SLC37A2: variants seen among roughly 807,000 people sequenced by gnomAD.
SLC37A2 encodes solute carrier family 37 member 2.
SLC37A2 carries 59 observed loss-of-function variants against 70.7 expected under a neutral mutation model. The observed-to-expected ratio is 0.83, with a 90% confidence interval of 0.68 to 1.04. The LOEUF (loss-of-function observed/expected upper bound fraction) is 1.04. Among genes scored for constraint, SLC37A2 ranks in the 50% least tolerant of loss-of-function variants. The pLI, the probability that SLC37A2 is intolerant of heterozygous loss-of-function variation, is 0.00. For missense variants in SLC37A2, 580 were observed against 658.1 expected, an observed-to-expected ratio of 0.88 and a Z score of 1.30; for synonymous variants, 257 against 262.1, an observed-to-expected ratio of 0.98 and a Z score of 0.19.
Position 125,088,185 on chromosome 11 carries a change from G to T in SLC37A2, c.*51G>T. ...AGGGTCCCAGTTGGGTCCCCAACGT[G>T]CTCCCCATGGGCAAGACAATGGAAA... On this transcript the variant is annotated 3_prime_UTR_variant, in exon 18 of 18. Coordinates refer to ENST00000403796, the MANE Select transcript of SLC37A2 (RefSeq NM_001145290.2). 1 of 1,546,076 alleles carries T rather than the reference G, an allele frequency of 6.5e-7. No homozygotes were observed.
intron 1 of SLC37A2, among the ~76,000 whole-genome samples, chr11:125,066,037 G>A (rs1260483295): frequency 1.3e-5 from 2 of 152,106 alleles, no homozygotes; most frequent in Non-Finnish European, 2.9e-5. Context: ...CAGTTCATGC[G>A]GTCCTGTGTG....
At chr11:125,067,437 G>A (rs1750939880) in intron 1 of SLC37A2, among the ~76,000 whole-genome samples, 2 of 152,128 alleles carry the variant, frequency 1.3e-5, no homozygotes, top group Admixed American at 6.5e-5. Context: ...CTCTTTTATA[G>A]CATATAATTT....
chr11:125,065,496 G>T (rs1186552626), intron 1 of SLC37A2, among the ~76,000 whole-genome samples: 1 of 152,128 alleles, frequency 6.6e-6, no homozygotes, highest in East Asian at 1.9e-4. Context: ...ATGTATTTGG[G>T]CAAATTCCTC....
chr11:125,088,116 C>A lies in SLC37A2; in HGVS notation c.1491-3C>A, dbSNP rs2135579985. The A allele has an allele frequency of 6.4e-7, 1 of 1,551,808 alleles. No homozygotes were observed. Among genetic ancestry groups the A allele is most frequent in the East Asian group, 2.4e-5 (1 of 40,872 alleles). On this transcript the variant is annotated splice_polypyrimidine_tract_variant and splice_region_variant and intron_variant, in intron 17 of 17. Coordinates refer to ENST00000403796, the MANE Select transcript of SLC37A2 (RefSeq NM_001145290.2). ...TTCTGTCCCCCCTCTCCTCTTCATG[C>A]AGGTATAAAGAAATATGAGGCCCCA...
rs1454391196 is a variant in SLC37A2 at position 125,080,616 on chromosome 11, G to A, written c.530G>A (p.Arg177Gln). 4.0e-6 allele frequency: 6 copies of A among 1,493,552 alleles called. No homozygotes were observed. The highest frequency in any genetic ancestry group is 1.4e-5 in the African/African-American group (1 of 69,694). The allele number at this position is 1,493,552 out of a possible 1,614,324, so 92.5% of individuals were successfully genotyped here. The change falls in exon 7 of 18, where the codon CGG becomes CAG. Residue 177 changes from arginine (R) to glutamine (Q), a missense_variant and splice_region_variant. Physicochemically the swap from Arg to Gln is conservative, Grantham distance 43 (BLOSUM62 1). Transcript: ENST00000403796. The surrounding 1 kb of genome is among the most constrained non-coding windows in gnomAD (Gnocchi z 4.3). The stretch of plus-strand genomic sequence containing the variant: ...TCCCTTCTCTCCCTCCCTTCCAGGC[G>A]GGGGTTCATCATGGGCATCTGGAAT... Reference protein sequence around the residue: ...CVGNWFGKGKRGFIMGIWNSH... With the variant: ...CVGNWFGKGKQGFIMGIWNSH...
At chr11:125,078,891 C>T (rs781046860) in intron 4 of SLC37A2, among the ~76,000 whole-genome samples, 1 of 151,730 alleles carries the variant, frequency 6.6e-6, no homozygotes, top group Non-Finnish European at 1.5e-5. Context: ...CACGAGGGGC[C>T]GGCCAAGCGG....
chr11:125,086,400 A>C, intron 17 of SLC37A2: 1 of 753,456 alleles, frequency 1.3e-6, no homozygotes, highest in Non-Finnish European at 2.4e-6. Context: ...ACCTCAGCAG[A>C]GCATGGTGCT....
At chr11:125,077,424 T>A in intron 3 of SLC37A2, 26 bp from the exon 4 acceptor site, 1 of 1,609,650 alleles carries the variant, frequency 6.2e-7, no homozygotes, top group Non-Finnish European at 8.5e-7. Context: ...CGCAGTCAGC[T>A]TTCTGTTTCT....
chr11:125,087,737 A>G (rs1949236109), intron 17 of SLC37A2: 1 of 173,290 alleles, frequency 5.8e-6, no homozygotes, highest in African/African-American at 2.5e-5. Context: ...GGTTCAAGTG[A>G]TTCTCCTGCC....
In SLC37A2 at chr11:125,086,054, C is replaced by A. The variant is rs751191057; in HGVS notation, c.1490+36C>A. The A allele has an allele frequency of 3.1e-6, 5 of 1,600,870 alleles. No homozygotes were observed. In the East Asian group the frequency reaches 1.1e-4, roughly 36 times the overall value. On this transcript the variant is annotated intron_variant, in intron 17 of 17. Transcript: ENST00000403796. ...GGAGCTGAAGCTGCCCCTCTACCAA[C>A]CTCATTTCTCGTGGGAATCAGCCCA...
In SLC37A2 at chr11:125,083,332, C is replaced by G. The variant is rs994617679; in HGVS notation, c.977-483C>G. On this transcript the variant is annotated intron_variant, in intron 10 of 17. Coordinates refer to ENST00000403796, the MANE Select transcript of SLC37A2 (RefSeq NM_001145290.2). The surrounding 1 kb of genome is among the most constrained non-coding windows in gnomAD (Gnocchi z 4.6). ...GCTACAATCTCAGCTTCTGGACATTCCTTTTTTAAAACATGGAGCCAAGGC... is the reference window on the plus strand; with the variant it reads ...GCTACAATCTCAGCTTCTGGACATTGCTTTTTTAAAACATGGAGCCAAGGC... 6.5e-6 allele frequency: 1 copy of G among 153,510 alleles called. No individual in the cohort carries two copies. The highest frequency in any genetic ancestry group is 1.4e-5 in the Non-Finnish European group (1 of 68,982). The allele number at this position is 153,510 out of a possible 1,614,324, so 9.5% of individuals were successfully genotyped here.
chr11:125,068,068 C>T (rs933283060), intron 1 of SLC37A2, among the ~76,000 whole-genome samples: 4 of 152,104 alleles, frequency 2.6e-5, no homozygotes, highest in East Asian at 1.9e-4. Flanking sequence ...TCTAGAAGGG[C>T]TCAGTAATAC....
Position 125,080,136 on chromosome 11 carries a change from AC to A in SLC37A2, c.527+379del, listed in dbSNP as rs11310178. ...CACTACTGACTTTCTGGGCTATTGG[AC>A]CCTTGTTTGGGGACTGTCCTACCAC... On this transcript the variant is annotated intron_variant, in intron 6 of 17. Coordinates refer to ENST00000403796, the MANE Select transcript of SLC37A2 (RefSeq NM_001145290.2). The surrounding 1 kb of genome is among the most constrained non-coding windows in gnomAD (Gnocchi z 4.3). Among the ~76,000 whole-genome samples, 1,158 of 152,160 alleles carry A rather than the reference AC, an allele frequency of 7.6e-3. 14 individuals are homozygous for A. The highest frequency in any genetic ancestry group is 0.026 in the African/African-American group (1,087 of 41,492).
rs78263502 is a variant in SLC37A2 at position 125,080,221 on chromosome 11, C to T, written c.528-393C>T. 0.052 allele frequency among the ~76,000 whole-genome samples: 7,947 copies of T among 152,272 alleles called. 248 individuals carry two copies. Among genetic ancestry groups the T allele is most frequent in the South Asian group, 0.095 (457 of 4,820 alleles). On this transcript the variant is annotated intron_variant, in intron 6 of 17. Coordinates refer to ENST00000403796, the MANE Select transcript of SLC37A2 (RefSeq NM_001145290.2). The surrounding 1 kb of genome is among the most constrained non-coding windows in gnomAD (Gnocchi z 4.3). Reference sequence around the variant, plus strand: ...TGCTCACTGGATGCCATAGCACACCCTGAGCTGTGACCATGAAAAATCTCT... The same window carrying T: ...TGCTCACTGGATGCCATAGCACACCTTGAGCTGTGACCATGAAAAATCTCT...
rs201307672 is a variant in SLC37A2 at position 125,063,327 on chromosome 11, GCCT to G, written c.-35_-33del. 61,154 of 1,576,286 alleles carry G rather than the reference GCCT, an allele frequency of 0.039. 1,394 individuals are homozygous for G. The highest frequency in any genetic ancestry group is 0.043 in the Non-Finnish European group (50,006 of 1,152,058). ...CCCGGGACACGCGCCCAGCTCTGTA[GCCT>G]CCTCCGTCGACTCAGCCTTAGGTAC... On this transcript the variant is annotated 5_prime_UTR_variant, in exon 1 of 18. Coordinates refer to ENST00000403796, the MANE Select transcript of SLC37A2 (RefSeq NM_001145290.2). The surrounding 1 kb of genome is among the most constrained non-coding windows in gnomAD (Gnocchi z 5.4).
At chr11:125,069,443 G>T (rs1405137349) in intron 1 of SLC37A2, among the ~76,000 whole-genome samples, 1 of 152,212 alleles carries the variant, frequency 6.6e-6, no homozygotes, top group Non-Finnish European at 1.5e-5. Flanking sequence ...TGGAAAAAAT[G>T]ATGTACCTAT....
At chr11:125,082,740 G>C (rs141703791) in intron 10 of SLC37A2, among the ~76,000 whole-genome samples, 20 of 152,240 alleles carry the variant, frequency 1.3e-4, no homozygotes, top group Non-Finnish European at 2.6e-4. Context: ...AAGAGGGCCT[G>C]GTGAGTGACC....
chr11:125,077,987 C>T (rs1949108387), intron 4 of SLC37A2, among the ~76,000 whole-genome samples: 1 of 152,186 alleles, frequency 6.6e-6, no homozygotes, highest in Non-Finnish European at 1.5e-5. Context: ...GGTGCTAAAA[C>T]TGTGGCGGCT....
chr11:125,078,448 T>TGTTA (rs1010933332), intron 4 of SLC37A2, among the ~76,000 whole-genome samples: 5 of 152,158 alleles, frequency 3.3e-5, no homozygotes, highest in Admixed American at 3.3e-4. Flanking sequence ...GTTGAGCTTA[T>TGTTA]GTTACTACAG....
Sources: gnomAD v4.1 joint callset for allele counts (sites outside exome capture counted in the v4.1 genomes callset) on GRCh38, gnomAD v4.1.1 for gene constraint, Gnocchi (gnomAD v3.1) non-coding constraint, MANE v1.5 for transcripts, NCBI Gene and HGNC (gene_info 2026-07-23, HGNC 2026-07-21) for gene names.